SLC38A8: variants seen among roughly 807,000 people sequenced by gnomAD.
SLC38A8 encodes solute carrier family 38 member 8.
A neutral mutation model predicts 46.0 loss-of-function variants in SLC38A8; 65 were observed. The observed-to-expected ratio is 1.41, with a 90% CI of 1.16 to 1.74. The LOEUF (loss-of-function observed/expected upper bound fraction) is 1.74. Among genes scored for constraint, SLC38A8 ranks in the 40% most tolerant of loss-of-function variants. SLC38A8 has a pLI of 0.00. For missense variants in SLC38A8, 998 were observed against 567.9 expected (o/e 1.76, Z -7.70); for synonymous variants, 447 against 243.7 (o/e 1.83, Z -7.77).
upstream of SLC38A8, among the ~76,000 whole-genome samples, chr16:84,043,069 G>A (rs1290764050): frequency 6.6e-6 from 1 of 152,204 alleles, no homozygotes; most frequent in Non-Finnish European, 1.5e-5. Context: ...CTGCAGAACA[G>A]GCTCCACCGT....
chr16:84,015,618 T>C (rs946506982), intron 9 of SLC38A8, among the ~76,000 whole-genome samples: 4 of 152,006 alleles, frequency 2.6e-5, no homozygotes, highest in African/African-American at 9.7e-5. Flanking sequence ...TGGAATGGGA[T>C]CATAAACGTT....
Position 84,022,933 on chromosome 16 carries a change from G to A in SLC38A8, c.691-44C>T, listed in dbSNP as rs367772754. On this transcript the variant is annotated intron_variant, in intron 6 of 10. Coordinates refer to ENST00000299709, the MANE Select transcript of SLC38A8 (RefSeq NM_001080442.3). ...CTCAGCAGGATGCTGGCTTCCCCTG[G>A]AACAGGCGATGCGAAAAAAAACTCA... 7.6e-6 allele frequency: 11 copies of A among 1,446,746 alleles called. No homozygotes were observed. The East Asian group carries it at 1.7e-4, about 23-fold the overall frequency. 89.6% of individuals were successfully genotyped at this position (1,446,746 alleles called of 1,614,324 possible).
intron 2 of SLC38A8, among the ~76,000 whole-genome samples, chr16:84,037,978 G>T (rs968329363): frequency 2.0e-5 from 3 of 151,824 alleles, no homozygotes; most frequent in African/African-American, 7.3e-5. Flanking sequence ...CCAGCTAATT[G>T]TTTTTTGTAT....
Position 84,017,281 on chromosome 16 carries a change from T to C in SLC38A8, c.812A>G (p.Tyr271Cys), listed in dbSNP as rs2085041925. 6.2e-7 allele frequency: 1 copy of C among 1,613,912 alleles called. No homozygotes were observed. ...TTCTGTCCCAAAAGTCAGGAAGCCA[T>C]AAACCCCTGAAGGTGGGAAAGGATG... ...CCLIYSLTGV[Y>C]GFLTFGTEVS... The change falls in exon 8 of 11, where the codon TAT becomes TGT. Residue 271 changes from tyrosine to cysteine, a missense_variant. By Grantham distance (194) the Tyr-to-Cys change is radical. Coordinates refer to ENST00000299709, the MANE Select transcript of SLC38A8 (RefSeq NM_001080442.3).
intron 6 of SLC38A8, among the ~76,000 whole-genome samples, chr16:84,025,383 G>C (rs549393167): frequency 6.6e-6 from 1 of 152,150 alleles, no homozygotes; most frequent in Non-Finnish European, 1.5e-5. Context: ...GATTTTCTCC[G>C]AGTCCAGCCA....
Position 84,016,713 on chromosome 16 carries a change from T to C in SLC38A8, c.968A>G (p.Asp323Gly). The C allele has an allele frequency of 6.2e-7, 1 of 1,612,658 alleles. No individual in the cohort carries two copies. The highest frequency in any genetic ancestry group is 2.2e-5 in the East Asian group (1 of 44,878). Reference protein sequence around the residue: ...VLFLGRSVMQDFWRRSCLGGW... With the variant: ...VLFLGRSVMQGFWRRSCLGGW... ...CCCCAAGCAGCTCCTCCTCCAGAAG[T>C]CCTGCATCACTGACCTGGAGGCCAC... is the stretch of plus-strand genomic sequence containing the variant. Residue 323 changes from aspartate to glycine, a missense_variant, in exon 9 of 11, where the codon GAC (aspartate) becomes GGC (glycine). Transcript: ENST00000299709.
In SLC38A8 at chr16:84,010,036, C is replaced by T. The variant is rs2084936147; in HGVS notation, c.1215-159G>A. ...TCCAGTTACCTGTAGGGATGGGTTT[C>T]CAAGACAATGGGAAGCAAAGTACCC... On this transcript the variant is annotated intron_variant, in intron 10 of 10. Transcript: ENST00000299709. Among the ~76,000 whole-genome samples, 10 of 150,726 alleles carry T rather than the reference C, an allele frequency of 6.6e-5. No homozygotes were observed. In the South Asian group the frequency reaches 1.9e-3, roughly 28 times the overall value.
At chr16:84,024,461 G>C (rs374273940) in intron 6 of SLC38A8, among the ~76,000 whole-genome samples, 4 of 151,920 alleles carry the variant, frequency 2.6e-5, no homozygotes, top group Non-Finnish European at 5.9e-5. Flanking sequence ...TTACAAGTAC[G>C]AGCCACCATG....
At position 84,029,551 on chromosome 16, in the gene SLC38A8, G is replaced by A. The variant is rs1421508714; in HGVS notation, c.633C>T (p.Ser211=). 6.2e-7 allele frequency: 1 copy of A among 1,614,070 alleles called. No individual in the cohort carries two copies. The highest frequency in any genetic ancestry group is 8.5e-7 in the Non-Finnish European group (1 of 1,179,976). Residue 211 remains serine (S), a splice_region_variant and synonymous_variant, in exon 6 of 11, where the codon AGC becomes AGT. Transcript: ENST00000299709. ...TGAACACAGAGGTCCAGGAGGCAGG[G>A]CTGTAAACAGACAAGAACAGGAGTT... is the stretch of plus-strand genomic sequence containing the variant. ...GLVRESHPSL[S]PASWTSVFSV...
Position 84,016,573 on chromosome 16 carries a change from C to T in SLC38A8, c.1108G>A (p.Glu370Lys), listed in dbSNP as rs149742482. ...ATGCCTCCGATGATGCTGACGATCT[C>T]GCTGAGGTCAGGCATAAACAGCGCC... ...AMALFMPDLSEIVSIIGGISS... is the reference protein window; with the variant it reads ...AMALFMPDLSKIVSIIGGISS... The change falls in exon 9 of 11, where the codon GAG becomes AAG. Residue 370 changes from glutamate to lysine, a missense_variant. Coordinates refer to ENST00000299709, the MANE Select transcript of SLC38A8 (RefSeq NM_001080442.3). The T allele has an allele frequency of 8.2e-5, 133 of 1,613,960 alleles. No individual in the cohort carries two copies. The highest frequency in any genetic ancestry group is 9.7e-5 in the Non-Finnish European group (115 of 1,180,020).
At chr16:84,020,642 C>T (rs151017949) in intron 7 of SLC38A8, among the ~76,000 whole-genome samples, 3 of 152,290 alleles carry the variant, frequency 2.0e-5, no homozygotes, top group African/African-American at 4.8e-5. Context: ...GCCAGGGTCC[C>T]GGGAGCAGAG....
intron 9 of SLC38A8, among the ~76,000 whole-genome samples, chr16:84,014,247 C>A (rs1441939373): frequency 6.7e-6 from 1 of 148,470 alleles, no homozygotes; most frequent in African/African-American, 2.5e-5. Context: ...ACCCTAAGCC[C>A]GAGGGAGAAG....
intron 7 of SLC38A8, among the ~76,000 whole-genome samples, chr16:84,018,215 C>T (rs1396176644): frequency 6.7e-6 from 1 of 148,878 alleles, no homozygotes; most frequent in African/African-American, 2.5e-5. Flanking sequence ...CTGACTCAGC[C>T]CTCATTCCTT....
At chr16:84,023,999 T>C (rs369837411) in intron 6 of SLC38A8, among the ~76,000 whole-genome samples, 3 of 152,210 alleles carry the variant, frequency 2.0e-5, no homozygotes, top group Non-Finnish European at 2.9e-5. Flanking sequence ...CTTGACACGA[T>C]TGATGTCTGG....
At chr16:84,022,277 C>A (rs2085104297) in intron 7 of SLC38A8, among the ~76,000 whole-genome samples, 5 of 152,212 alleles carry the variant, frequency 3.3e-5, no homozygotes, top group Non-Finnish European at 1.5e-5. Flanking sequence ...CTGGGACTGT[C>A]CTTCCAATGC....
rs753671655 is a variant in SLC38A8 at position 84,017,220 on chromosome 16, A to T, written c.873T>A (p.Asn291Lys). Residue 291 changes from asparagine (N) to lysine (K), a missense_variant, in exon 8 of 11, where the codon AAT (asparagine) becomes AAA (lysine). Coordinates refer to ENST00000299709, the MANE Select transcript of SLC38A8 (RefSeq NM_001080442.3). The part of the protein sequence containing the change: ...SADVLMSYPG[N>K]DMVIIVARVL... ...CCCGGGCCACAATGATGACCATATC[A>T]TTGCCTGGGTAGGACATCAAGACGT... The T allele has an allele frequency of 1.2e-6, 2 of 1,614,120 alleles. No individual in the cohort carries two copies. The highest frequency in any genetic ancestry group is 8.5e-7 in the Non-Finnish European group (1 of 1,180,008).
At chr16:84,029,284 T>C (rs1414987784) in intron 6 of SLC38A8, among the ~76,000 whole-genome samples, 1 of 152,134 alleles carries the variant, frequency 6.6e-6, no homozygotes, top group Non-Finnish European at 1.5e-5. Flanking sequence ...TTCAAGGCAA[T>C]TCCCACTTCC....
intron 10 of SLC38A8, among the ~76,000 whole-genome samples, chr16:84,011,920 G>A (rs1015522394): frequency 6.6e-6 from 1 of 152,168 alleles, no homozygotes; most frequent in Non-Finnish European, 1.5e-5. Context: ...GGATTTCTGA[G>A]ACGCAGAGAC....
chr16:84,013,847 G>A (rs1023685087), intron 9 of SLC38A8, among the ~76,000 whole-genome samples: 1 of 152,038 alleles, frequency 6.6e-6, no homozygotes, highest in African/African-American at 2.4e-5. Flanking sequence ...TCCCACCACA[G>A]GAAATAGCCA....
Sources: gnomAD v4.1 joint callset for allele counts (sites outside exome capture counted in the v4.1 genomes callset) on GRCh38, gnomAD v4.1.1 for gene constraint, MANE v1.5 for transcripts, NCBI Gene and HGNC (gene_info 2026-07-23, HGNC 2026-07-21) for gene names.